PLCE1: variants seen among roughly 807,000 people sequenced by gnomAD.
PLCE1 encodes phospholipase C epsilon 1, also known as 1-phosphatidylinositol 4,5-bisphosphate phosphodiesterase epsilon-1.
Under a neutral mutation model 242.8 loss-of-function variants are expected in PLCE1, and 119 were observed. That is an observed-to-expected ratio of 0.49 (90% confidence interval 0.42 to 0.57). The LOEUF (loss-of-function observed/expected upper bound fraction) is 0.57, where lower values mean the gene tolerates loss of function less well. Among genes scored for constraint, PLCE1 ranks in the 20% least tolerant of loss-of-function variants. PLCE1 has a pLI of 0.00. For synonymous variants in PLCE1, 945 were observed against 1,017.4 expected (o/e 0.93, Z 1.35); for missense variants, 2,441 against 2,788.8 (o/e 0.88, Z 2.81).
intron 2 of PLCE1, among the ~76,000 whole-genome samples, chr10:94,074,520 A>T (rs1487465492): frequency 6.6e-6 from 1 of 152,178 alleles, no homozygotes; most frequent in Admixed American, 6.5e-5. Context: ...AGTTGATCAG[A>T]GTTGGCATGC....
chr10:94,269,303 C>T (rs986383591), intron 17 of PLCE1, among the ~76,000 whole-genome samples: 3 of 151,674 alleles, frequency 2.0e-5, no homozygotes, highest in Non-Finnish European at 2.9e-5. Flanking sequence ...GGTTTCACCA[C>T]GTTGGCCAGG....
intron 7 of PLCE1, among the ~76,000 whole-genome samples, chr10:94,242,251 A>G (rs1376031636): frequency 6.6e-6 from 1 of 152,182 alleles, no homozygotes; most frequent in African/African-American, 2.4e-5. Flanking sequence ...AAAAGAGCAT[A>G]AAATATCATG....
rs1201360901 is a variant in PLCE1 at position 94,234,204 on chromosome 10, G to A, written c.2106G>A (p.Val702=). The A allele has an allele frequency of 6.2e-7, 1 of 1,614,144 alleles. No individual in the cohort carries two copies. The highest frequency in any genetic ancestry group is 8.5e-7 in the Non-Finnish European group (1 of 1,180,002). The stretch of plus-strand genomic sequence containing the variant: ...CCCTGCACATCCCTGGCTGTAAGGT[G>A]GTTCCATTCTGTGGGGTGTTTCTGA... ...TRALHIPGCK[V]VPFCGVFLKE... Residue 702 remains valine (V), a synonymous_variant, in exon 6 of 33, where the codon GTG becomes GTA. Transcript: ENST00000371380.
chr10:94,143,246 C>A (rs897905103), intron 3 of PLCE1, among the ~76,000 whole-genome samples: 5 of 152,078 alleles, frequency 3.3e-5, no homozygotes, highest in Non-Finnish European at 7.4e-5. Flanking sequence ...CTATTTTATT[C>A]CCTCCAGAGT....
At position 94,127,706 on chromosome 10, in the gene PLCE1, A is replaced by C. The variant is rs1157220424; in HGVS notation, c.1207-4468A>C. Among the ~76,000 whole-genome samples the C allele has an allele frequency of 2.0e-5, 3 of 152,186 alleles. No individual in the cohort carries two copies. In the East Asian group the frequency reaches 5.8e-4, roughly 29 times the overall value. On this transcript the variant is annotated intron_variant, in intron 2 of 32. Transcript: ENST00000371380. ...CTAAGTGCCAGATGCTGTTCTAATC[A>C]TATTACATTTATCAAAGCTTGTAAT...
chr10:94,260,434 T>G (rs190140950), intron 13 of PLCE1, among the ~76,000 whole-genome samples: 1 of 152,180 alleles, frequency 6.6e-6, no homozygotes, highest in South Asian at 2.1e-4. Flanking sequence ...TAAACACAAA[T>G]AGCAAAACAA....
chr10:94,034,474 T>C (rs1256451902), intron 2 of PLCE1, among the ~76,000 whole-genome samples: 1 of 152,220 alleles, frequency 6.6e-6, no homozygotes, highest in Non-Finnish European at 1.5e-5. Context: ...GTTACTTAGC[T>C]AGTAAGTGAA....
chr10:94,163,967 T>C (rs1021226700), intron 3 of PLCE1, among the ~76,000 whole-genome samples: 1 of 152,226 alleles, frequency 6.6e-6, no homozygotes. Flanking sequence ...TTTAAAAATG[T>C]TGAATATTGG....
intron 22 of PLCE1, among the ~76,000 whole-genome samples, chr10:94,288,175 T>A (rs1589481864): frequency 6.6e-6 from 1 of 152,324 alleles, no homozygotes; most frequent in Middle Eastern, 3.4e-3. Context: ...AGCGCACCTG[T>A]CACCCAAGTC....
chr10:94,043,456 C>A (rs2061811722), intron 2 of PLCE1, among the ~76,000 whole-genome samples: 1 of 152,112 alleles, frequency 6.6e-6, no homozygotes, highest in South Asian at 2.1e-4. Context: ...GTTGGTAGAC[C>A]ATGCTGAGTA....
chr10:94,054,513 C>T (rs758167839), intron 2 of PLCE1, among the ~76,000 whole-genome samples: 3 of 152,136 alleles, frequency 2.0e-5, no homozygotes, highest in Non-Finnish European at 2.9e-5. Context: ...GAGCTTGCTC[C>T]CTGAATCTGA....
intron 3 of PLCE1, among the ~76,000 whole-genome samples, chr10:94,166,055 T>C (rs771004642): frequency 6.6e-6 from 1 of 152,166 alleles, no homozygotes; most frequent in Non-Finnish European, 1.5e-5. Context: ...TACAAAAAAG[T>C]TGAGCAAAAC....
At position 94,075,161 on chromosome 10, in the gene PLCE1, C is replaced by T. The variant is rs1381269620; in HGVS notation, c.1206+42909C>T. 3.9e-5 allele frequency among the ~76,000 whole-genome samples: 6 copies of T among 152,246 alleles called. No homozygotes were observed. In the South Asian group the frequency reaches 8.3e-4, roughly 21 times the overall value. On this transcript the variant is annotated intron_variant, in intron 2 of 32. Coordinates refer to ENST00000371380, the MANE Select transcript of PLCE1 (RefSeq NM_016341.4). Reference sequence around the variant, plus strand: ...TCACCATCACAATTAGTTTCTCTCTCCTCTCGGTTCTGTAGTGCTTTGTTT... The same window carrying T: ...TCACCATCACAATTAGTTTCTCTCTTCTCTCGGTTCTGTAGTGCTTTGTTT...
intron 1 of PLCE1, among the ~76,000 whole-genome samples, chr10:94,014,044 A>G (rs560129281): frequency 6.6e-6 from 1 of 152,222 alleles, no homozygotes; most frequent in Non-Finnish European, 1.5e-5. Context: ...GGGAACTCGT[A>G]CAAGCACAGC....
intron 4 of PLCE1, among the ~76,000 whole-genome samples, chr10:94,179,801 C>T (rs923331746): frequency 1.5e-4 from 22 of 151,616 alleles, no homozygotes; most frequent in Non-Finnish European, 2.9e-5. Flanking sequence ...TCACCACACC[C>T]GGCCTAATCT....
At chr10:94,003,275 T>A (rs572794621) in intron 1 of PLCE1, among the ~76,000 whole-genome samples, 1 of 152,248 alleles carries the variant, frequency 6.6e-6, no homozygotes, top group Non-Finnish European at 1.5e-5. Context: ...TGGTTTAAAA[T>A]AGTTTAAATT....
intron 13 of PLCE1, among the ~76,000 whole-genome samples, chr10:94,261,834 T>A (rs2051309273): frequency 6.6e-6 from 1 of 152,144 alleles, no homozygotes; most frequent in Non-Finnish European, 1.5e-5. Context: ...AGTAAAACTG[T>A]AATTTTAAGG....
chr10:94,138,590 C>T, intron 3 of PLCE1: 1 of 441,778 alleles, frequency 2.3e-6, no homozygotes, highest in Non-Finnish European at 4.5e-6. Flanking sequence ...ATCTGAACAT[C>T]AAAGGGCATG....
At chr10:94,115,530 T>C (rs4360628) in intron 2 of PLCE1, among the ~76,000 whole-genome samples, 139,293 of 152,266 alleles carry the variant, frequency 0.91, 64,316 homozygotes, top group South Asian at 0.98. Flanking sequence ...ATGATCAGCA[T>C]TTTTTCATGT....
Sources: allele counts gnomAD v4.1 joint callset (sites outside exome capture counted in the v4.1 genomes callset), GRCh38; gene constraint gnomAD v4.1.1; transcripts MANE v1.5; gene names NCBI Gene and HGNC (gene_info 2026-07-23, HGNC 2026-07-21).